The following SLC24A2 variants were observed in gnomAD, a reference collection of about 807,000 sequenced individuals.
SLC24A2 encodes the protein solute carrier family 24 member 2, also known as sodium/potassium/calcium exchanger 2.
Under a neutral mutation model 62.0 loss-of-function variants are expected in SLC24A2, and 36 were observed. The ratio of observed to expected loss-of-function variants is 0.58; its 90% CI spans 0.44 to 0.77. The LOEUF (loss-of-function observed/expected upper bound fraction) is 0.77. SLC24A2 is among the 30% of genes least tolerant of loss of function. SLC24A2 has a pLI of 0.00. For synonymous variants in SLC24A2, 358 were observed against 294.0 expected (o/e 1.22, Z -2.23); for missense variants, 846 against 817.9 (o/e 1.03, Z -0.42).
At chr9:19,625,792 T>C (rs1818019480) in intron 2 of SLC24A2, among the ~76,000 whole-genome samples, 1 of 151,426 alleles carries the variant, frequency 6.6e-6, no homozygotes, top group South Asian at 2.1e-4. Context: ...GTTCAAGCAA[T>C]TCTCCTGCCT....
intron 2 of SLC24A2, among the ~76,000 whole-genome samples, chr9:19,750,741 G>A (rs1410775146): frequency 6.6e-6 from 1 of 152,104 alleles, no homozygotes; most frequent in Non-Finnish European, 1.5e-5. Context: ...GTCCTTCAAG[G>A]TCTGGCTTTG....
intron 2 of SLC24A2, among the ~76,000 whole-genome samples, chr9:19,634,924 G>T (rs903670357): frequency 3.3e-5 from 5 of 152,138 alleles, no homozygotes; most frequent in Non-Finnish European, 7.4e-5. Context: ...CATTAAGTAA[G>T]GTTACCACTC....
chr9:19,563,214 T>A (rs1835490338), intron 7 of SLC24A2, among the ~76,000 whole-genome samples: 1 of 152,116 alleles, frequency 6.6e-6, no homozygotes, highest in Non-Finnish European at 1.5e-5. Context: ...GTTCTAGTGG[T>A]GTCAGACATA....
the SLC24A2 span, among the ~76,000 whole-genome samples, chr9:20,190,551 C>T: frequency 6.6e-6 from 1 of 152,150 alleles, no homozygotes; most frequent in East Asian, 1.9e-4. Context: ...CTCTGGAGAA[C>T]ATACTCCTAC....
chr9:19,656,259 A>G (rs1419132927), intron 2 of SLC24A2, among the ~76,000 whole-genome samples: 1 of 152,242 alleles, frequency 6.6e-6, no homozygotes, highest in Admixed American at 6.5e-5. Context: ...AATATAAAAA[A>G]ATGAAGATGG....
chr9:19,560,080 A>C (rs1835315837), intron 7 of SLC24A2, among the ~76,000 whole-genome samples: 1 of 152,118 alleles, frequency 6.6e-6, no homozygotes, highest in Non-Finnish European at 1.5e-5. Flanking sequence ...TTCCAAAGCA[A>C]ACCCCGAGTT....
the SLC24A2 span, among the ~76,000 whole-genome samples, chr9:19,837,692 C>T: frequency 2.0e-5 from 3 of 151,962 alleles, no homozygotes; most frequent in African/African-American, 7.3e-5. Flanking sequence ...CAAAAATCTC[C>T]TTAAGCTGAT....
chr9:20,034,451 G>GTTTT, the SLC24A2 span, among the ~76,000 whole-genome samples: 10 of 83,180 alleles, frequency 1.2e-4, no homozygotes, highest in South Asian at 5.8e-4. Flanking sequence ...GGCCTTTTAA[G>GTTTT]TTTTTTTTTT....
intron 2 of SLC24A2, among the ~76,000 whole-genome samples, chr9:19,664,524 A>T (rs1276665015): frequency 6.6e-6 from 1 of 152,220 alleles, no homozygotes; most frequent in African/African-American, 2.4e-5. Context: ...TTATCAGGCA[A>T]ATCTGGTGAA....
At chr9:19,617,641 G>A (rs1035529665) in intron 4 of SLC24A2, among the ~76,000 whole-genome samples, 2 of 152,146 alleles carry the variant, frequency 1.3e-5, no homozygotes, top group African/African-American at 4.8e-5. Flanking sequence ...CGGGACTACA[G>A]CTCTAATCCA....
chr9:19,592,768 G>A (rs928730863), intron 5 of SLC24A2, among the ~76,000 whole-genome samples: 5 of 152,076 alleles, frequency 3.3e-5, no homozygotes, highest in Non-Finnish European at 5.9e-5. Context: ...GAGTAAGAAT[G>A]GTATGAAATT....
At chr9:19,517,880 A>G (rs1246953478) in intron 10 of SLC24A2, among the ~76,000 whole-genome samples, 1 of 150,850 alleles carries the variant, frequency 6.6e-6, no homozygotes, top group Non-Finnish European at 1.5e-5. Context: ...CCTTGTGAAG[A>G]AAGACCAAAA....
chr9:19,668,491 T>C (rs537830198), intron 2 of SLC24A2, among the ~76,000 whole-genome samples: 10 of 152,334 alleles, frequency 6.6e-5, no homozygotes, highest in African/African-American at 2.4e-4. Flanking sequence ...TGTTCTCCTC[T>C]ACCTGTAGAA....
chr9:19,837,976 G>A, the SLC24A2 span, among the ~76,000 whole-genome samples: 23 of 151,776 alleles, frequency 1.5e-4, no homozygotes, highest in South Asian at 2.1e-4. Flanking sequence ...TCAATATCGT[G>A]AAAATGGCCA....
At chr9:19,895,471 A>G in the SLC24A2 span, among the ~76,000 whole-genome samples, 2 of 151,772 alleles carry the variant, frequency 1.3e-5, no homozygotes, top group African/African-American at 4.8e-5. Flanking sequence ...AAAGTTCAGA[A>G]GGATGTAAAT....
At chr9:19,820,042 C>CATATATATATATATATAT in the SLC24A2 span, among the ~76,000 whole-genome samples, 13 of 32,862 alleles carry the variant, frequency 4.0e-4, 1 homozygote, top group African/African-American at 8.3e-4. Flanking sequence ...TATATATATA[C>CATATATATATATATATAT]ATATATATAT....
intron 5 of SLC24A2, among the ~76,000 whole-genome samples, chr9:19,591,740 T>C (rs535113449): frequency 1.3e-5 from 2 of 152,326 alleles, no homozygotes; most frequent in Admixed American, 1.3e-4. Context: ...CTTGAATTAT[T>C]GTGGAGCTGC....
the SLC24A2 span, among the ~76,000 whole-genome samples, chr9:19,991,633 G>A: frequency 6.6e-6 from 1 of 152,094 alleles, no homozygotes; most frequent in Non-Finnish European, 1.5e-5. Context: ...ACTGTATTTG[G>A]TTCCAAATGC....
At chr9:20,293,244 T>C in the SLC24A2 span, among the ~76,000 whole-genome samples, 1 of 152,196 alleles carries the variant, frequency 6.6e-6, no homozygotes, top group Non-Finnish European at 1.5e-5. Context: ...CTTCAACATA[T>C]CTTTTTAAGG....
Sources: allele counts gnomAD v4.1 joint callset (sites outside exome capture counted in the v4.1 genomes callset), GRCh38; gene constraint gnomAD v4.1.1; transcripts MANE v1.5; gene names NCBI Gene and HGNC (gene_info 2026-07-23, HGNC 2026-07-21).